KDM5A: variants seen among roughly 807,000 people sequenced by gnomAD.
KDM5A encodes the protein lysine-specific demethylase 5A.
In KDM5A, 42 loss-of-function variants were observed where a neutral mutation model predicts 193.5. The ratio of observed to expected loss-of-function variants is 0.22; its 90% CI spans 0.17 to 0.28. The LOEUF (loss-of-function observed/expected upper bound fraction) is 0.28. Among genes scored for constraint, KDM5A ranks in the 10% least tolerant of loss-of-function variants. The pLI is 1.00. For synonymous variants in KDM5A, 796 were observed against 718.1 expected, an observed-to-expected ratio of 1.11 and a Z score of -1.73; for missense variants, 1,692 against 2,055.1, an observed-to-expected ratio of 0.82 and a Z score of 3.42.
At chr12:387,320 T>C (rs1944648978) in intron 1 of KDM5A, 1 of 324,820 alleles carries the variant, frequency 3.1e-6, no homozygotes. Flanking sequence ...TTCAATAATG[T>C]GACATAAAGA....
chr12:320,885 A>G (rs1204200932), intron 18 of KDM5A, 110 bp downstream of exon 18: 2 of 728,052 alleles, frequency 2.7e-6, no homozygotes, highest in South Asian at 1.6e-5. Context: ...TATGTGAGAG[A>G]AAAAAAAAAT....
chr12:280,662 T>C lies in KDM5A; in HGVS notation c.*4794A>G, dbSNP rs1175604167. On this transcript the variant is annotated 3_prime_UTR_variant, in exon 28 of 28. Transcript: ENST00000399788. ...AGTAACTTGGGGTCTGAATTGGTTGTGAGCTTTAAGAAGCCAAAGAGAAAG... is the reference window on the plus strand; with the variant it reads ...AGTAACTTGGGGTCTGAATTGGTTGCGAGCTTTAAGAAGCCAAAGAGAAAG... 1 of 233,062 alleles carries C rather than the reference T, an allele frequency of 4.3e-6. No individual in the cohort carries two copies. Among genetic ancestry groups the C allele is most frequent in the East Asian group, 6.0e-5 (1 of 16,594 alleles). 14.4% of individuals were successfully genotyped at this position (233,062 alleles called of 1,614,324 possible).
chr12:350,542 A>G, intron 10 of KDM5A, 79 bp downstream of exon 10: 1 of 1,361,746 alleles, frequency 7.3e-7, no homozygotes, highest in Non-Finnish European at 1.1e-6. Context: ...ATTTTAAGTT[A>G]ATGTGATCCC....
chr12:387,184 A>G, intron 1 of KDM5A: 1 of 327,850 alleles, frequency 3.1e-6, no homozygotes, highest in South Asian at 2.4e-5. Flanking sequence ...TTTGGCCTAA[A>G]TAACAGAATA....
At chr12:312,076 G>A (rs1201768350) in intron 20 of KDM5A, among the ~76,000 whole-genome samples, 3 of 152,162 alleles carry the variant, frequency 2.0e-5, no homozygotes, top group African/African-American at 7.2e-5. Flanking sequence ...CCGTTTGGGG[G>A]CAGCAGTGTA....
intron 3 of KDM5A, among the ~76,000 whole-genome samples, chr12:378,285 T>G (rs1028654593): frequency 6.6e-6 from 1 of 151,924 alleles, no homozygotes. Flanking sequence ...CTTTTTTTTT[T>G]AAAGACAGGG....
In KDM5A at chr12:322,560, A is replaced by G; in HGVS notation, c.2283T>C (p.Ile761=). Residue 761 remains isoleucine (I), a synonymous_variant, in exon 17 of 28, where the codon ATT becomes ATC. Coordinates refer to ENST00000399788, the MANE Select transcript of KDM5A (RefSeq NM_001042603.3). ...CATCTTCCAGCATTACTCGCAATTC[A>G]ATCAAATCTGTAAAAATTTAAATAA... ...SANFNHKKDL[I]ELRVMLEDAE... 6.2e-7 allele frequency: 1 copy of G among 1,612,204 alleles called. No individual in the cohort carries two copies. Among genetic ancestry groups the G allele is most frequent in the Non-Finnish European group, 8.5e-7 (1 of 1,179,130 alleles).
chr12:365,138 C>T (rs1384466554), intron 4 of KDM5A, among the ~76,000 whole-genome samples: 1 of 152,074 alleles, frequency 6.6e-6, no homozygotes, highest in African/African-American at 2.4e-5. Context: ...CTGCAACCTC[C>T]ATCTCCCAGG....
chr12:387,580 T>C (rs1441218309), intron 1 of KDM5A, among the ~76,000 whole-genome samples: 1 of 152,196 alleles, frequency 6.6e-6, no homozygotes, highest in Non-Finnish European at 1.5e-5. Context: ...GAGTAGTCTA[T>C]AACCTTAAAC....
chr12:332,079 G>T (rs1943873014), intron 12 of KDM5A, 141 bp from the exon 13 acceptor site: 6 of 763,256 alleles, frequency 7.9e-6, no homozygotes, highest in Admixed American at 6.9e-5. Flanking sequence ...ATCAGAAAAT[G>T]ATATCAGAAA....
intron 10 of KDM5A, among the ~76,000 whole-genome samples, chr12:339,142 C>T (rs1943969560): frequency 6.7e-6 from 1 of 149,554 alleles, no homozygotes; most frequent in Admixed American, 6.7e-5. Flanking sequence ...CACACCATTG[C>T]ACTCCAGCCT....
intron 27 of KDM5A, among the ~76,000 whole-genome samples, chr12:287,277 G>A (rs920099449): frequency 6.6e-6 from 1 of 152,108 alleles, no homozygotes; most frequent in Non-Finnish European, 1.5e-5. Context: ...GGGAGTACAA[G>A]CCAGAAGCTT....
At chr12:360,765 A>T (rs1944284030) in intron 5 of KDM5A, among the ~76,000 whole-genome samples, 2 of 152,236 alleles carry the variant, frequency 1.3e-5, no homozygotes, top group African/African-American at 4.8e-5. Flanking sequence ...TCATGTAAGA[A>T]GAGGGCTTTT....
At chr12:304,208 T>C (rs1412261336) in intron 24 of KDM5A, among the ~76,000 whole-genome samples, 1 of 152,204 alleles carries the variant, frequency 6.6e-6, no homozygotes, top group Non-Finnish European at 1.5e-5. Flanking sequence ...GTAACTAAGA[T>C]AAAATGACTG....
rs1362295149 is a variant in KDM5A, at chr12:284,209, T to A, written c.*1247A>T. On this transcript the variant is annotated 3_prime_UTR_variant, in exon 28 of 28. Coordinates refer to ENST00000399788, the MANE Select transcript of KDM5A (RefSeq NM_001042603.3). Reference sequence around the variant, plus strand: ...TTGAAACTCTGTCATATGCTGCTGGTAACAGTAAATATATATATTTATATA... The same window carrying A: ...TTGAAACTCTGTCATATGCTGCTGGAAACAGTAAATATATATATTTATATA... 1.8e-5 allele frequency: 4 copies of A among 224,848 alleles called. No homozygotes were observed. The highest frequency in any genetic ancestry group is 3.5e-5 in the Non-Finnish European group (4 of 113,224). 13.9% of individuals were successfully genotyped at this position (224,848 alleles called of 1,614,324 possible).
intron 10 of KDM5A, among the ~76,000 whole-genome samples, chr12:335,223 C>T (rs1474450858): frequency 6.6e-6 from 1 of 152,194 alleles, no homozygotes; most frequent in African/African-American, 2.4e-5. Context: ...AGAGTTTTCA[C>T]AGGGGCTTCT....
intron 6 of KDM5A, among the ~76,000 whole-genome samples, chr12:355,795 T>C (rs1224975085): frequency 6.6e-6 from 1 of 152,210 alleles, no homozygotes; most frequent in Non-Finnish European, 1.5e-5. Flanking sequence ...ACACAGTAAT[T>C]AGTCTTTGTG....
chr12:290,352 G>GA (rs1943277417), intron 27 of KDM5A, among the ~76,000 whole-genome samples: 1 of 152,032 alleles, frequency 6.6e-6, no homozygotes, highest in Non-Finnish European at 1.5e-5. Context: ...TGCTTAAAAC[G>GA]AAACACGTTA....
chr12:296,934 C>A (rs571904857), intron 25 of KDM5A, 107 bp downstream of exon 25: 1 of 1,175,432 alleles, frequency 8.5e-7, no homozygotes, highest in African/African-American at 1.5e-5. Context: ...ATTTCATGGC[C>A]AACCATTGTA....
Sources: allele counts gnomAD v4.1 joint callset (sites outside exome capture counted in the v4.1 genomes callset), GRCh38; gene constraint gnomAD v4.1.1; transcripts MANE v1.5; gene names NCBI Gene and HGNC (gene_info 2026-07-23, HGNC 2026-07-21).